VSTM2B: variants seen among roughly 807,000 people sequenced by gnomAD.
VSTM2B encodes the protein V-set and transmembrane domain containing 2B, also known as V-set and transmembrane domain-containing protein 2B.
Under a neutral mutation model 24.0 loss-of-function variants are expected in VSTM2B, and 24 were observed. That is an observed-to-expected ratio of 1.00 (90% confidence interval 0.72 to 1.40). The LOEUF (loss-of-function observed/expected upper bound fraction) is 1.40, where lower values mean the gene tolerates loss of function less well. VSTM2B is among the 40% of genes most tolerant of loss of function. The pLI, the probability that VSTM2B is intolerant of heterozygous loss-of-function variation, is 0.00. For missense variants in VSTM2B, 399 were observed against 416.4 expected (o/e 0.96, Z 0.36); for synonymous variants, 226 against 194.4 (o/e 1.16, Z -1.35).
intron 4 of VSTM2B, among the ~76,000 whole-genome samples, chr19:29,531,924 A>G (rs565326598): frequency 9.2e-5 from 14 of 152,382 alleles, no homozygotes; most frequent in African/African-American, 3.1e-4. Flanking sequence ...TACCAGCCTC[A>G]GCAGGAGGCT....
At chr19:29,561,397 G>A (rs1258413217) in intron 4 of VSTM2B, among the ~76,000 whole-genome samples, 1 of 152,184 alleles carries the variant, frequency 6.6e-6, no homozygotes, top group African/African-American at 2.4e-5. Flanking sequence ...GCCGAGGCAG[G>A]TGGATCACCT....
chr19:29,535,296 G>A (rs576860949), intron 4 of VSTM2B, among the ~76,000 whole-genome samples: 20 of 152,290 alleles, frequency 1.3e-4, no homozygotes, highest in Admixed American at 1.0e-3. Context: ...AAATGGAAAA[G>A]GCACCGCAGT....
At chr19:29,556,195 C>G (rs1294871923) in intron 4 of VSTM2B, among the ~76,000 whole-genome samples, 1 of 152,076 alleles carries the variant, frequency 6.6e-6, no homozygotes, top group African/African-American at 2.4e-5. Flanking sequence ...AATCTAGAGG[C>G]ACATCAAAAA....
rs1447563144 is a variant in VSTM2B at position 29,529,960 on chromosome 19, C to A, written c.439C>A (p.Arg147Ser). The change falls in exon 4 of 5, where the codon CGC becomes AGC. Residue 147 changes from arginine (R) to serine (S), a missense_variant. Transcript: ENST00000335523. The stretch of plus-strand genomic sequence containing the variant: ...GGAGCACAAGGCCCAGGCGATGCTG[C>A]GCGTGCTCTCGCGCTTCGCGCCGCC... The part of the protein sequence containing the change: ...TQEHKAQAML[R>S]VLSRFAPPNM... The A allele has an allele frequency of 1.3e-6, 2 of 1,548,008 alleles. No individual in the cohort carries two copies. The highest frequency in any genetic ancestry group is 8.7e-7 in the Non-Finnish European group (1 of 1,146,648).
chr19:29,540,866 C>T (rs1599886920), intron 4 of VSTM2B, among the ~76,000 whole-genome samples: 1 of 151,984 alleles, frequency 6.6e-6, no homozygotes, highest in East Asian at 1.9e-4. Context: ...GCTATGGGAG[C>T]TAAAATAGGG....
At chr19:29,559,956 G>A (rs1425843972) in intron 4 of VSTM2B, among the ~76,000 whole-genome samples, 3 of 152,156 alleles carry the variant, frequency 2.0e-5, no homozygotes, top group African/African-American at 7.2e-5. Context: ...CTGCTGGTCT[G>A]TTGGGCTCAT....
In VSTM2B at chr19:29,528,378, C is replaced by T; in HGVS notation, c.268-55C>T. ...CCTTGCCTAAAGGCGGATCCGAGTT[C>T]CCCTAGCCAGAAGGCCGCGAGCCTC... On this transcript the variant is annotated intron_variant, in intron 2 of 4. Transcript: ENST00000335523. 1.9e-6 allele frequency: 3 copies of T among 1,550,408 alleles called. No individual in the cohort carries two copies. The African/African-American group carries it at 4.1e-5, about 21-fold the overall frequency.
At chr19:29,544,959 T>C (rs1354208818) in intron 4 of VSTM2B, among the ~76,000 whole-genome samples, 1 of 152,038 alleles carries the variant, frequency 6.6e-6, no homozygotes, top group East Asian at 1.9e-4. Flanking sequence ...ACAGCCATGG[T>C]CTCCACTCTC....
intron 4 of VSTM2B, among the ~76,000 whole-genome samples, chr19:29,551,312 T>A (rs2145501800): frequency 6.6e-6 from 1 of 152,326 alleles, no homozygotes; most frequent in East Asian, 1.9e-4. Flanking sequence ...ACTTTCACCT[T>A]TACTTTTAGC....
chr19:29,541,985 G>T (rs1470227829), intron 4 of VSTM2B, among the ~76,000 whole-genome samples: 1 of 151,908 alleles, frequency 6.6e-6, no homozygotes, highest in Non-Finnish European at 1.5e-5. Context: ...TGGGTTGATG[G>T]ATGGGAGAAT....
chr19:29,559,688 G>A (rs1347190606), intron 4 of VSTM2B, among the ~76,000 whole-genome samples: 1 of 152,124 alleles, frequency 6.6e-6, no homozygotes, highest in Non-Finnish European at 1.5e-5. Flanking sequence ...TTCCTCTTGA[G>A]AGAAGGAAAT....
chr19:29,561,334 T>A (rs926175153), intron 4 of VSTM2B, among the ~76,000 whole-genome samples: 15 of 144,644 alleles, frequency 1.0e-4, no homozygotes, highest in African/African-American at 2.7e-4. Flanking sequence ...ATAAAAAAAA[T>A]TTAAAAAGGC....
At chr19:29,539,538 G>C (rs1283136585) in intron 4 of VSTM2B, among the ~76,000 whole-genome samples, 5 of 152,172 alleles carry the variant, frequency 3.3e-5, no homozygotes, top group African/African-American at 1.2e-4. Flanking sequence ...TAGAGTGAGA[G>C]AGAGAGTGAG....
At chr19:29,548,145 A>G (rs2145495979) in intron 4 of VSTM2B, among the ~76,000 whole-genome samples, 1 of 152,216 alleles carries the variant, frequency 6.6e-6, no homozygotes, top group South Asian at 2.1e-4. Context: ...GGCGGGGAAC[A>G]GGCAGTCCAG....
chr19:29,552,298 T>C (rs1177974408), intron 4 of VSTM2B, among the ~76,000 whole-genome samples: 3 of 152,232 alleles, frequency 2.0e-5, no homozygotes, highest in Non-Finnish European at 4.4e-5. Flanking sequence ...TTGCAAATCC[T>C]AGGTCCTTCT....
At chr19:29,533,517 T>C (rs755687470) in intron 4 of VSTM2B, among the ~76,000 whole-genome samples, 1 of 152,234 alleles carries the variant, frequency 6.6e-6, no homozygotes, top group Non-Finnish European at 1.5e-5. Context: ...AGAAAACCTG[T>C]GTCCCTCACT....
At chr19:29,550,839 A>G (rs1970264981) in intron 4 of VSTM2B, among the ~76,000 whole-genome samples, 1 of 151,936 alleles carries the variant, frequency 6.6e-6, no homozygotes, top group Admixed American at 6.6e-5. Context: ...GAAAAAAAAA[A>G]AAAGCAGCAC....
chr19:29,562,748 G>A (rs1417976408), intron 4 of VSTM2B, among the ~76,000 whole-genome samples: 1 of 152,202 alleles, frequency 6.6e-6, no homozygotes, highest in Non-Finnish European at 1.5e-5. Context: ...GTTTATGGGT[G>A]GGCTTTCCCC....
At chr19:29,545,186 T>C (rs1970122476) in intron 4 of VSTM2B, among the ~76,000 whole-genome samples, 1 of 151,176 alleles carries the variant, frequency 6.6e-6, no homozygotes, top group Admixed American at 6.6e-5. Context: ...GCAGGGTGGA[T>C]TCATGATGGC....
Sources: gnomAD v4.1 joint callset for allele counts (sites outside exome capture counted in the v4.1 genomes callset) on GRCh38, gnomAD v4.1.1 for gene constraint, MANE v1.5 for transcripts, NCBI Gene and HGNC (gene_info 2026-07-23, HGNC 2026-07-21) for gene names.